FAM83A: variants seen among roughly 807,000 people sequenced by gnomAD.
FAM83A encodes scaffolding CK1 anchoring protein A.
A neutral mutation model predicts 24.4 loss-of-function variants in FAM83A; 21 were observed. The observed-to-expected ratio is 0.86, with a 90% CI of 0.61 to 1.24. FAM83A has a LOEUF of 1.24. FAM83A is among the 50% of genes most tolerant of loss of function. The probability of loss-of-function intolerance (pLI) is 0.00; values close to 1 mark genes in which losing one functional copy is unlikely to be tolerated. For synonymous variants in FAM83A, 270 were observed against 252.4 expected, an observed-to-expected ratio of 1.07 and a Z score of -0.66; for missense variants, 617 against 579.8, an observed-to-expected ratio of 1.06 and a Z score of -0.66.
chr8:123,180,852 G>A (rs1273112556), upstream of FAM83A: 2 of 151,892 alleles, frequency 1.3e-5, no homozygotes, highest in African/African-American at 4.8e-5. Context: ...GGAATAAAGA[G>A]AGGATTGCTC....
intron 1 of FAM83A, among the ~76,000 whole-genome samples, chr8:123,184,000 T>A (rs1429497525): frequency 6.6e-6 from 1 of 152,110 alleles, no homozygotes; most frequent in Non-Finnish European, 1.5e-5. Flanking sequence ...CCTGCAACCT[T>A]TTCTGTACGA....
chr8:123,208,458 A>G, exon 4 of FAM83A: 1 of 985,454 alleles, frequency 1.0e-6, no homozygotes, highest in Non-Finnish European at 1.2e-6. Flanking sequence ...TTGAGTTGTC[A>G]GGGGCCAGGA....
chr8:123,202,500 C>T (rs1824397333), intron 3 of FAM83A: 5 of 152,878 alleles, frequency 3.3e-5, no homozygotes, highest in Non-Finnish European at 7.3e-5. Flanking sequence ...ACTTGATTAG[C>T]CGAGATTGTA....
upstream of FAM83A, chr8:123,179,622 C>T (rs1334371740): frequency 6.6e-6 from 1 of 152,210 alleles, no homozygotes; most frequent in Non-Finnish European, 1.5e-5. Flanking sequence ...GTGGCACTAA[C>T]ATGTACGGTG....
At chr8:123,205,417 C>G (rs1228685741) in intron 3 of FAM83A, among the ~76,000 whole-genome samples, 5 of 152,250 alleles carry the variant, frequency 3.3e-5, no homozygotes, top group Admixed American at 2.0e-4. Flanking sequence ...GCGCTTGGCT[C>G]GGCATCAACT....
At chr8:123,208,980 AAGAG>A (rs556002192) in exon 4 of FAM83A, 10 of 985,642 alleles carry the variant, frequency 1.0e-5, no homozygotes, top group African/African-American at 5.3e-5. Flanking sequence ...AAAAAAAAAA[AAGAG>A]AGAGAGCATA....
Position 123,209,447 on chromosome 8 carries a change from A to C in FAM83A, c.*1759A>C. On this transcript the variant is annotated 3_prime_UTR_variant, in exon 4 of 4. Transcript: ENST00000690554. This position sits in a 1 kb window ranked among gnomAD's most constrained non-coding sequence, Gnocchi z 4.7. ...TTAGTTCCTGAAAGTAAACAAAACA[A>C]AACAAAAACAAAAAAACAAACAACA... 6.2e-7 allele frequency: 1 copy of C among 1,614,116 alleles called. No individual in the cohort carries two copies. Among genetic ancestry groups the C allele is most frequent in the Non-Finnish European group, 8.5e-7 (1 of 1,180,002 alleles).
At chr8:123,184,409 C>T (rs1049521076) in intron 1 of FAM83A, among the ~76,000 whole-genome samples, 8 of 152,142 alleles carry the variant, frequency 5.3e-5, no homozygotes, top group Non-Finnish European at 8.8e-5. Context: ...GCTCTTGAAT[C>T]CAGCCAGTGG....
rs183187828 is a variant in FAM83A at position 123,191,794 on chromosome 8, C to G, written c.481-9C>G. The G allele has an allele frequency of 6.2e-7, 1 of 1,613,130 alleles. No homozygotes were observed. Among genetic ancestry groups the G allele is most frequent in the Non-Finnish European group, 8.5e-7 (1 of 1,179,914 alleles). ...CTTTCTGGTAACTGAGCACTCTGCC[C>G]TGGCCCAGGTCCTGGTCATCCTGAT... On this transcript the variant is annotated splice_polypyrimidine_tract_variant and intron_variant, in intron 1 of 3. Coordinates refer to ENST00000690554, the Ensembl canonical transcript of FAM83A.
At chr8:123,182,147 C>T (rs769517972), upstream of FAM83A, 6 of 455,638 alleles carry the variant, frequency 1.3e-5, no homozygotes, top group Non-Finnish European at 2.2e-5. Context: ...GGAACCTCTG[C>T]GGTCTCTGCA....
chr8:123,194,939 A>G (rs1164907598), intron 3 of FAM83A, among the ~76,000 whole-genome samples: 1 of 152,120 alleles, frequency 6.6e-6, no homozygotes, highest in East Asian at 1.9e-4. Context: ...CTGACCACCC[A>G]TTTATTCTAA....
intron 3 of FAM83A, among the ~76,000 whole-genome samples, chr8:123,205,542 G>A (rs1433815371): frequency 6.6e-6 from 1 of 152,244 alleles, no homozygotes. Flanking sequence ...GCCTCACAGA[G>A]CAGGGAACTC....
chr8:123,191,865 A>G (rs139389694), exon 2 of FAM83A: 270 of 1,614,034 alleles, frequency 1.7e-4, no homozygotes, highest in Non-Finnish European at 2.0e-4. Context: ...TTCTAGAGGC[A>G]GCCAACAAGC....
intron 3 of FAM83A, among the ~76,000 whole-genome samples, chr8:123,195,873 T>C (rs898081410): frequency 5.3e-5 from 8 of 152,234 alleles, no homozygotes; most frequent in South Asian, 2.1e-4. Context: ...TAGCATCACA[T>C]TGGGGATTAG....
upstream of FAM83A, chr8:123,179,432 C>T (rs1341242133): frequency 6.6e-6 from 1 of 152,194 alleles, no homozygotes; most frequent in Non-Finnish European, 1.5e-5. Context: ...ACTTCTCAGC[C>T]CCCAGAACCA....
At chr8:123,182,913 C>A in exon 1 of FAM83A, 1 of 1,542,234 alleles carries the variant, frequency 6.5e-7, no homozygotes, top group Non-Finnish European at 8.7e-7. Flanking sequence ...ATGTCAAGAG[C>A]CAGTGGGTCC....
chr8:123,185,445 C>T (rs969321655), intron 1 of FAM83A, among the ~76,000 whole-genome samples: 2 of 152,360 alleles, frequency 1.3e-5, no homozygotes, highest in East Asian at 3.9e-4. Flanking sequence ...CCCCACTCCA[C>T]ACCCAGTGAG....
upstream of FAM83A, chr8:123,180,442 C>T (rs184081911): frequency 6.5e-4 from 84 of 128,990 alleles, 1 homozygote; most frequent in East Asian, 3.6e-3. Context: ...GCTCACCTTC[C>T]CCTCCTGGCT....
exon 4 of FAM83A, chr8:123,207,743 C>T (rs2131113356): frequency 7.1e-7 from 1 of 1,411,588 alleles, no homozygotes; most frequent in South Asian, 1.6e-5. Context: ...TCCCTGAGAC[C>T]CAAAGACCCA....
Sources: allele counts gnomAD v4.1 joint callset (sites outside exome capture counted in the v4.1 genomes callset), GRCh38; gene constraint gnomAD v4.1.1; non-coding constraint Gnocchi (gnomAD v3.1); transcripts MANE v1.5; gene names NCBI Gene and HGNC (gene_info 2026-07-23, HGNC 2026-07-21).